Variants in THAP4 observed in about 807,000 individuals in gnomAD.
The protein encoded by THAP4 is THAP domain containing 4, also known as peroxynitrite isomerase THAP4.
In THAP4, 18 loss-of-function variants were observed where a neutral mutation model predicts 48.1. That is an observed-to-expected ratio of 0.37 (90% CI 0.26 to 0.56). The LOEUF is 0.56. THAP4 is among the 20% of genes least tolerant of loss of function. The pLI, the probability that THAP4 is intolerant of heterozygous loss-of-function variation, is 0.78. For synonymous variants in THAP4, 345 were observed against 324.9 expected, an observed-to-expected ratio of 1.06 and a Z score of -0.66; for missense variants, 656 against 774.9, an observed-to-expected ratio of 0.85 and a Z score of 1.82.
Position 241,633,732 on chromosome 2 carries a change from C to A in THAP4, c.425G>T (p.Arg142Leu), listed in dbSNP as rs772558251. The change falls in exon 2 of 6, where the codon CGC (arginine) becomes CTC (leucine). Residue 142 changes from arginine (R) to leucine (L), a missense_variant. Arg to Leu is a moderately radical substitution (Grantham distance 102). Transcript: ENST00000407315. This position sits in a 1 kb window ranked among gnomAD's most constrained non-coding sequence, Gnocchi z 7.5. The part of the protein sequence containing the change: ...SGNPMAKPES[R>L]RLKQAALQGE... ...TTGCAGAGCAGCTTGCTTCAACCTG[C>A]GGGACTCTGGCTTGGCCATCGGGTT... 1.9e-6 allele frequency: 3 copies of A among 1,611,300 alleles called. No individual in the cohort carries two copies. Among genetic ancestry groups the A allele is most frequent in the Admixed American group, 3.3e-5 (2 of 59,930 alleles).
In THAP4 at chr2:241,586,720, C is replaced by A. The variant is rs28572303; in HGVS notation, c.1615-1995G>T. Among the ~76,000 whole-genome samples the A allele has an allele frequency of 4.0e-5, 6 of 151,782 alleles. No homozygotes were observed. The South Asian group carries it at 1.3e-3, about 32-fold the overall frequency. On this transcript the variant is annotated intron_variant, in intron 5 of 5. Transcript: ENST00000407315. ...AAACATAATAACTCAAATTAAGGCC[C>A]CAATAATGAAATAGACAAATTAGAC...
At chr2:241,591,000 C>A (rs75103569) in intron 5 of THAP4, among the ~76,000 whole-genome samples, 3 of 35,390 alleles carry the variant, frequency 8.5e-5, no homozygotes, top group Non-Finnish European at 1.2e-4. Context: ...GCTCGGCTGA[C>A]AATAATGGGC....
At chr2:241,591,415 A>G (rs1045883530) in intron 5 of THAP4, among the ~76,000 whole-genome samples, 1 of 152,226 alleles carries the variant, frequency 6.6e-6, no homozygotes, top group Non-Finnish European at 1.5e-5. Flanking sequence ...AAATGTATCA[A>G]ACTGCACACT....
rs148383350 is a variant in THAP4, at chr2:241,618,021, C to A, written c.1241-11548G>T. Among the ~76,000 whole-genome samples the A allele has an allele frequency of 5.6e-3, 856 of 152,322 alleles. 11 individuals are homozygous for A. The highest frequency in any genetic ancestry group is 0.02 in the African/African-American group (813 of 41,564). ...TCTTTGTGTTAGTGACACGTTGTTT[C>A]CTGCCAAGGCACACACAGAAAGGGA... On this transcript the variant is annotated intron_variant, in intron 2 of 5. Coordinates refer to ENST00000407315, the MANE Select transcript of THAP4 (RefSeq NM_015963.6).
Position 241,633,911 on chromosome 2 carries a change from T to C in THAP4, c.246A>G (p.Pro82=). 1 of 1,614,108 alleles carries C rather than the reference T, an allele frequency of 6.2e-7. No individual in the cohort carries two copies. The highest frequency in any genetic ancestry group is 8.5e-7 in the Non-Finnish European group (1 of 1,180,008). The part of the protein sequence containing the change: ...QHRLLKPTAV[P]SIFHLTEKKR... Reference sequence around the variant, plus strand: ...TCTTCTCGGTCAGGTGGAAGATGGATGGCACGGCCGTGGGCTTCAGCAGGC... The same window carrying C: ...TCTTCTCGGTCAGGTGGAAGATGGACGGCACGGCCGTGGGCTTCAGCAGGC... Residue 82 remains proline, a synonymous_variant, in exon 2 of 6, where the codon CCA becomes CCG. Coordinates refer to ENST00000407315, the MANE Select transcript of THAP4 (RefSeq NM_015963.6). The surrounding 1 kb of genome is among the most constrained non-coding windows in gnomAD (Gnocchi z 7.5).
chr2:241,617,787 T>G (rs2067366546), intron 2 of THAP4, among the ~76,000 whole-genome samples: 1 of 152,132 alleles, frequency 6.6e-6, no homozygotes, highest in Non-Finnish European at 1.5e-5. Context: ...AAATGCTTTC[T>G]CTCTCCAGAG....
chr2:241,624,898 G>A (rs1002233486), intron 2 of THAP4, among the ~76,000 whole-genome samples: 27 of 152,116 alleles, frequency 1.8e-4, no homozygotes, highest in African/African-American at 6.0e-4. Context: ...GAAGGTGGTC[G>A]GAGCGCCATT....
chr2:241,599,684 AAT>A (rs1481594630), intron 5 of THAP4, among the ~76,000 whole-genome samples: 1 of 152,144 alleles, frequency 6.6e-6, no homozygotes, highest in African/African-American at 2.4e-5. Context: ...TACCCATGAA[AAT>A]ATGTCAATTC....
intron 2 of THAP4, among the ~76,000 whole-genome samples, chr2:241,620,345 G>C (rs1287558349): frequency 8.1e-6 from 1 of 123,606 alleles, no homozygotes; most frequent in African/African-American, 3.2e-5. Context: ...GTCAGTGAGT[G>C]AGGGGTGAGT....
intron 2 of THAP4, among the ~76,000 whole-genome samples, chr2:241,623,977 C>T (rs1273786776): frequency 6.6e-6 from 1 of 152,140 alleles, no homozygotes; most frequent in Non-Finnish European, 1.5e-5. Context: ...AGTTCGTGCA[C>T]ATCCCACAGG....
chr2:241,611,141 G>T (rs545368727), intron 2 of THAP4, among the ~76,000 whole-genome samples: 1 of 152,310 alleles, frequency 6.6e-6, no homozygotes, highest in East Asian at 1.9e-4. Flanking sequence ...CTCGCTGGAG[G>T]ACAGGAGGGG....
At chr2:241,625,926 T>C (rs1446567547) in intron 2 of THAP4, among the ~76,000 whole-genome samples, 1 of 152,072 alleles carries the variant, frequency 6.6e-6, no homozygotes, top group Non-Finnish European at 1.5e-5. Flanking sequence ...AAAAGAATTA[T>C]TTGCCATGAC....
At chr2:241,602,044 G>C in intron 4 of THAP4, 45 bp from the exon 5 acceptor site, 1 of 1,584,972 alleles carries the variant, frequency 6.3e-7, no homozygotes, top group Non-Finnish European at 8.6e-7. Flanking sequence ...TGCTCGGCTT[G>C]CAGAGAGGCA....
At chr2:241,589,862 C>A (rs924424633) in intron 5 of THAP4, among the ~76,000 whole-genome samples, 5 of 152,162 alleles carry the variant, frequency 3.3e-5, no homozygotes, top group Admixed American at 1.3e-4. Flanking sequence ...AGACGTGGCA[C>A]ATGCAGCAGA....
intron 5 of THAP4, among the ~76,000 whole-genome samples, chr2:241,600,927 G>C (rs549401850): frequency 1.3e-5 from 2 of 151,552 alleles, no homozygotes; most frequent in South Asian, 4.2e-4. Flanking sequence ...CACAAATAAA[G>C]CAGACAACAG....
chr2:241,624,731 A>G (rs2067476361), intron 2 of THAP4, among the ~76,000 whole-genome samples: 1 of 152,110 alleles, frequency 6.6e-6, no homozygotes, highest in Non-Finnish European at 1.5e-5. Flanking sequence ...TGCAGGATGG[A>G]GGGGGTGGGG....
intron 5 of THAP4, among the ~76,000 whole-genome samples, chr2:241,593,734 T>C (rs752698414): frequency 6.6e-6 from 1 of 152,240 alleles, no homozygotes; most frequent in Non-Finnish European, 1.5e-5. Flanking sequence ...TCACCCAGGC[T>C]GGAGTGCAGT....
intron 5 of THAP4, among the ~76,000 whole-genome samples, chr2:241,597,931 A>G (rs911118751): frequency 1.3e-5 from 2 of 152,124 alleles, no homozygotes; most frequent in Admixed American, 6.6e-5. Context: ...TTTTTGTTAA[A>G]TTAATAAAAC....
intron 2 of THAP4, among the ~76,000 whole-genome samples, chr2:241,625,340 C>T (rs1237504618): frequency 1.3e-5 from 2 of 151,824 alleles, no homozygotes; most frequent in South Asian, 2.1e-4. Flanking sequence ...GCCAGTGTGA[C>T]GGCACGTGTC....
Sources: gnomAD v4.1 joint callset for allele counts (sites outside exome capture counted in the v4.1 genomes callset) on GRCh38, gnomAD v4.1.1 for gene constraint, Gnocchi (gnomAD v3.1) non-coding constraint, MANE v1.5 for transcripts, NCBI Gene and HGNC (gene_info 2026-07-23, HGNC 2026-07-21) for gene names.